Variants in VDR observed in about 807,000 individuals in gnomAD.
The protein encoded by VDR is vitamin D receptor, also known as vitamin D3 receptor.
In VDR, 19 loss-of-function variants were observed where a neutral mutation model predicts 39.7. That is an observed-to-expected ratio of 0.48 (90% CI 0.33 to 0.70). The LOEUF (loss-of-function observed/expected upper bound fraction) is 0.70, where lower values mean the gene tolerates loss of function less well. Ranked by LOEUF, VDR falls within the 30% of genes least tolerant of loss-of-function variation. The pLI, the probability that VDR is intolerant of heterozygous loss-of-function variation, is 0.02. For missense variants in VDR, 442 were observed against 570.5 expected, an observed-to-expected ratio of 0.77 and a Z score of 2.29; for synonymous variants, 242 against 215.8, an observed-to-expected ratio of 1.12 and a Z score of -1.07.
intron 1 of VDR, among the ~76,000 whole-genome samples, chr12:47,901,678 G>C (rs888389268): frequency 2.6e-5 from 4 of 152,242 alleles, no homozygotes; most frequent in African/African-American, 9.6e-5. Context: ...GGTCCCCAGA[G>C]GTCTGGGAAG....
chr12:47,889,534 C>T (rs76483287), intron 1 of VDR, among the ~76,000 whole-genome samples: 1 of 152,322 alleles, frequency 6.6e-6, no homozygotes, highest in African/African-American at 2.4e-5. Flanking sequence ...GAACTCAAGA[C>T]AGGGAGTACT....
chr12:47,878,278 C>A (rs1268564815), intron 3 of VDR, among the ~76,000 whole-genome samples: 1 of 152,212 alleles, frequency 6.6e-6, no homozygotes, highest in Non-Finnish European at 1.5e-5. Flanking sequence ...TGCCCCAATT[C>A]ATCCCTTTCC....
chr12:47,875,174 C>G (rs1288372614), intron 3 of VDR, among the ~76,000 whole-genome samples: 1 of 152,224 alleles, frequency 6.6e-6, no homozygotes, highest in African/African-American at 2.4e-5. Context: ...CACACTTCAG[C>G]TAGATTATGA....
In VDR at chr12:47,878,728, A is replaced by G. The variant is rs1256458199; in HGVS notation, c.146+240T>C. On this transcript the variant is annotated intron_variant, in intron 3 of 9. Coordinates refer to ENST00000549336, the MANE Select transcript of VDR (RefSeq NM_000376.3). ...TTACAGGCGTAATGGAAAGACAGAG[A>G]CCCACACAGCAACCTCAGGAAAGCG... 3 of 656,534 alleles carry G rather than the reference A, an allele frequency of 4.6e-6. No homozygotes were observed. In the Admixed American group the frequency reaches 6.3e-5, roughly 14 times the overall value. The allele number at this position is 656,534 out of a possible 1,614,324, so 40.7% of individuals were successfully genotyped here.
intron 3 of VDR, among the ~76,000 whole-genome samples, chr12:47,876,041 T>G (rs1367352962): frequency 1.3e-5 from 2 of 152,164 alleles, no homozygotes; most frequent in Non-Finnish European, 2.9e-5. Flanking sequence ...GCAAAAAATG[T>G]AGCACTAAAT....
In VDR at chr12:47,842,071, T is replaced by G. The variant is rs1446481619; in HGVS notation, c.*2675A>C. 6.6e-6 allele frequency: 1 copy of G among 152,386 alleles called. No individual in the cohort carries two copies. Among genetic ancestry groups the G allele is most frequent in the Non-Finnish European group, 1.5e-5 (1 of 68,088 alleles). 9.4% of individuals were successfully genotyped at this position (152,386 alleles called of 1,614,324 possible). ...GTGGTGGGGCCCAGGGCTGAGTAACTGATATTTCCAGGAGTTCCCCGAAGA... is the reference window on the plus strand; with the variant it reads ...GTGGTGGGGCCCAGGGCTGAGTAACGGATATTTCCAGGAGTTCCCCGAAGA... On this transcript the variant is annotated 3_prime_UTR_variant, in exon 10 of 10. Coordinates refer to ENST00000549336, the MANE Select transcript of VDR (RefSeq NM_000376.3).
intron 7 of VDR, among the ~76,000 whole-genome samples, chr12:47,851,033 C>A (rs1052578494): frequency 6.6e-6 from 1 of 152,138 alleles, no homozygotes; most frequent in Non-Finnish European, 1.5e-5. Flanking sequence ...TGTAAGAAAG[C>A]TATTTGTTGG....
rs529535215 is a variant in VDR, at chr12:47,890,654, A to G, written c.-83-7880T>C. Among the ~76,000 whole-genome samples the G allele has an allele frequency of 3.7e-4, 56 of 152,050 alleles. 1 individual carries two copies. In the South Asian group the frequency reaches 0.012, roughly 32 times the overall value. On this transcript the variant is annotated intron_variant, in intron 1 of 9. Transcript: ENST00000549336. ...CCCACAAGTCCTTACTAAACAAAAC[A>G]CTCGCAAAAACCCAAGTCACTACCT...
At chr12:47,896,452 G>T (rs1018196006) in intron 1 of VDR, among the ~76,000 whole-genome samples, 2 of 152,134 alleles carry the variant, frequency 1.3e-5, no homozygotes, top group African/African-American at 2.4e-5. Context: ...TGTTCTCGGG[G>T]CTCGGAGTAG....
chr12:47,894,654 C>T (rs1322416708), intron 1 of VDR, among the ~76,000 whole-genome samples: 2 of 152,212 alleles, frequency 1.3e-5, no homozygotes, highest in Non-Finnish European at 2.9e-5. Context: ...TGAAGTTTAA[C>T]AGAGATGAAA....
intron 3 of VDR, among the ~76,000 whole-genome samples, chr12:47,871,338 C>CTTTCT (rs1555153542): frequency 6.9e-6 from 1 of 145,384 alleles, no homozygotes; most frequent in African/African-American, 2.5e-5. Flanking sequence ...TTCTTTCTTT[C>CTTTCT]TTTCTTTCTT....
intron 1 of VDR, among the ~76,000 whole-genome samples, chr12:47,904,395 T>C (rs1946627286): frequency 6.8e-6 from 1 of 146,896 alleles, no homozygotes; most frequent in African/African-American, 2.6e-5. Context: ...TGAACATCTA[T>C]TGACAGGCTG....
At chr12:47,887,903 A>T (rs187518002) in intron 1 of VDR, among the ~76,000 whole-genome samples, 100 of 152,324 alleles carry the variant, frequency 6.6e-4, no homozygotes, top group African/African-American at 2.4e-3. Flanking sequence ...GTTCTTCATT[A>T]ACCCTTTTGG....
intron 1 of VDR, among the ~76,000 whole-genome samples, chr12:47,888,942 T>C (rs539441918): frequency 1.3e-5 from 2 of 152,308 alleles, no homozygotes; most frequent in South Asian, 2.1e-4. Context: ...TGATAAATGT[T>C]TGGGGCAATA....
chr12:47,890,377 T>TTA (rs60534556), intron 1 of VDR, among the ~76,000 whole-genome samples: 4,224 of 141,776 alleles, frequency 0.03, 92 homozygotes, highest in Non-Finnish European at 0.035. Flanking sequence ...AATATATATT[T>TTA]TATATATATA....
chr12:47,877,278 C>T (rs190172897), intron 3 of VDR, among the ~76,000 whole-genome samples: 39 of 152,168 alleles, frequency 2.6e-4, no homozygotes, highest in African/African-American at 7.9e-4. Context: ...TGGCTGGCTG[C>T]GAGGCTTTTG....
rs371782742 is a variant in VDR at position 47,881,575 on chromosome 12, G to C, written c.-3+1119C>G. Among the ~76,000 whole-genome samples the C allele has an allele frequency of 1.9e-4, 29 of 152,196 alleles. 1 individual carries two copies. In the East Asian group the frequency reaches 3.1e-3, roughly 16 times the overall value. On this transcript the variant is annotated intron_variant, in intron 2 of 9. Coordinates refer to ENST00000549336, the MANE Select transcript of VDR (RefSeq NM_000376.3). The stretch of plus-strand genomic sequence containing the variant: ...GAGGGGTGTGCATTATATAGTAGCA[G>C]TATTCTATTTTTTGAGTAGTGAGCA...
At chr12:47,855,073 T>C (rs937114276) in intron 7 of VDR, among the ~76,000 whole-genome samples, 1 of 152,190 alleles carries the variant, frequency 6.6e-6, no homozygotes, top group Non-Finnish European at 1.5e-5. Context: ...CTCATGCCTG[T>C]AATCCCAGCA....
chr12:47,876,477 G>T (rs1363581720), intron 3 of VDR, among the ~76,000 whole-genome samples: 2 of 152,194 alleles, frequency 1.3e-5, no homozygotes, highest in East Asian at 1.9e-4. Context: ...TCTAAGTAAG[G>T]TAGACTGAGG....
Sources: allele counts gnomAD v4.1 joint callset (sites outside exome capture counted in the v4.1 genomes callset), GRCh38; gene constraint gnomAD v4.1.1; transcripts MANE v1.5; gene names NCBI Gene and HGNC (gene_info 2026-07-23, HGNC 2026-07-21).